The following NRAP variants were observed in gnomAD, a reference collection of about 807,000 sequenced individuals.
The protein encoded by NRAP is nebulin-related-anchoring protein.
In NRAP, 189 loss-of-function variants were observed where a neutral mutation model predicts 225.9. That is an observed-to-expected ratio of 0.84 (90% confidence interval 0.74 to 0.94). The LOEUF (loss-of-function observed/expected upper bound fraction) is 0.94. NRAP is among the 40% of genes least tolerant of loss of function. NRAP has a pLI of 0.00. For missense variants in NRAP, 2,176 were observed against 2,168.7 expected (o/e 1.00, Z -0.07); for synonymous variants, 769 against 790.7 (o/e 0.97, Z 0.46).
chr10:113,636,726 G>A (rs532993002), intron 14 of NRAP, among the ~76,000 whole-genome samples: 50 of 151,882 alleles, frequency 3.3e-4, no homozygotes, highest in Middle Eastern at 6.8e-3. Context: ...CCAGTGACCC[G>A]GGCCAGGGGC....
intron 37 of NRAP, among the ~76,000 whole-genome samples, chr10:113,596,544 A>T (rs1380593195): frequency 5.3e-5 from 8 of 152,234 alleles, no homozygotes; most frequent in Non-Finnish European, 1.0e-4. Context: ...ATAGGGCTAA[A>T]TTATACAGAG....
intron 37 of NRAP, among the ~76,000 whole-genome samples, chr10:113,596,657 G>A (rs1846298388): frequency 6.6e-6 from 1 of 152,124 alleles, no homozygotes; most frequent in Non-Finnish European, 1.5e-5. Flanking sequence ...CAAGCAACAT[G>A]TATCTGACCT....
chr10:113,636,394 T>C (rs1848869221), intron 14 of NRAP, among the ~76,000 whole-genome samples: 4 of 152,186 alleles, frequency 2.6e-5, no homozygotes, highest in Non-Finnish European at 4.4e-5. Context: ...TGCTGCTAAC[T>C]CCTATGGCCA....
At chr10:113,637,710 G>A (rs918161732) in intron 14 of NRAP, among the ~76,000 whole-genome samples, 2 of 152,144 alleles carry the variant, frequency 1.3e-5, no homozygotes, top group African/African-American at 2.4e-5. Flanking sequence ...GATCACCTGA[G>A]GTCAGGAGTT....
In NRAP at chr10:113,650,531, C is replaced by T. The variant is rs1849888638; in HGVS notation, c.690G>A (p.Glu230=). 1.2e-6 allele frequency: 2 copies of T among 1,609,714 alleles called. No individual in the cohort carries two copies. The highest frequency in any genetic ancestry group is 1.1e-5 in the South Asian group (1 of 91,012). ...CTTTCCCTCTTTGTTGTTCATAGTC[C>T]TCTGTGTATCTCACCTGAAATGAAA... ...AQLQSDVRYT[E]DYEQQRGKGS... The change falls in exon 8 of 42, where the codon GAG becomes GAA. Residue 230 remains glutamate (E), a synonymous_variant. Transcript: ENST00000359988.
intron 35 of NRAP, among the ~76,000 whole-genome samples, chr10:113,600,971 C>G (rs1846562146): frequency 1.3e-5 from 2 of 152,192 alleles, no homozygotes; most frequent in South Asian, 4.1e-4. Flanking sequence ...TTAGGTCACA[C>G]AGCTGTATGC....
chr10:113,607,437 G>GAAAA (rs1847060109), intron 32 of NRAP, among the ~76,000 whole-genome samples: 2 of 86,170 alleles, frequency 2.3e-5, no homozygotes, highest in Admixed American at 2.5e-4. Flanking sequence ...AAAAAAAAAA[G>GAAAA]AAAAGAAAGA....
chr10:113,615,215 A>G, intron 27 of NRAP, among the ~76,000 whole-genome samples: 1 of 152,204 alleles, frequency 6.6e-6, no homozygotes, highest in Admixed American at 6.5e-5. Context: ...TCAAACAGAC[A>G]CAGTTTTTCT....
In NRAP at chr10:113,645,950, A is replaced by G. The variant is rs1382829555; in HGVS notation, c.994-9T>C. 1 of 1,432,774 alleles carries G rather than the reference A, an allele frequency of 7.0e-7. No homozygotes were observed. The highest frequency in any genetic ancestry group is 9.6e-7 in the Non-Finnish European group (1 of 1,038,270). The allele number at this position is 1,432,774 out of a possible 1,614,324, so 88.8% of individuals were successfully genotyped here. On this transcript the variant is annotated splice_polypyrimidine_tract_variant and intron_variant, in intron 10 of 41. Coordinates refer to ENST00000359988, the MANE Select transcript of NRAP (RefSeq NM_198060.4). ...TCCTGCCTGTATTTTATCTGAAAAAAAAAACACAAAACGGGGCTGGAGTTG... is the reference window on the plus strand; with the variant it reads ...TCCTGCCTGTATTTTATCTGAAAAAGAAAACACAAAACGGGGCTGGAGTTG...
At chr10:113,642,050 A>G (rs1203296799) in intron 12 of NRAP, among the ~76,000 whole-genome samples, 1 of 152,200 alleles carries the variant, frequency 6.6e-6, no homozygotes, top group Admixed American at 6.5e-5. Context: ...CATAAATAGG[A>G]AATTTGGGGT....
chr10:113,590,084 T>A (rs1564688330), intron 40 of NRAP, among the ~76,000 whole-genome samples: 1 of 152,204 alleles, frequency 6.6e-6, no homozygotes, highest in Non-Finnish European at 1.5e-5. Flanking sequence ...CTCCACACAC[T>A]CTGTGGCCTT....
In NRAP at chr10:113,612,417, T is replaced by A; in HGVS notation, c.3315A>T (p.Lys1105Asn). ...ACTGCGCCTTTGAGTGTTCAAAGCC[T>A]TTCTTGTAATTCACCTAGAGGGGCA... ...TSLQSDVNYKKGFEHSKAQFH... is the reference protein window; with the variant it reads ...TSLQSDVNYKNGFEHSKAQFH... Residue 1105 changes from lysine to asparagine, a missense_variant, in exon 30 of 42, where the codon AAA becomes AAT. Lys to Asn is a moderately conservative substitution (Grantham distance 94). This residue lies in a region of NRAP where 1,708 missense variants were observed against 1,695.5 expected (regional missense o/e 1.01). Coordinates refer to ENST00000359988, the MANE Select transcript of NRAP (RefSeq NM_198060.4). 1 of 1,613,974 alleles carries A rather than the reference T, an allele frequency of 6.2e-7. No homozygotes were observed. The highest frequency in any genetic ancestry group is 8.5e-7 in the Non-Finnish European group (1 of 1,179,904).
intron 29 of NRAP, among the ~76,000 whole-genome samples, chr10:113,613,143 T>C (rs1021836118): frequency 3.3e-5 from 5 of 152,012 alleles, no homozygotes; most frequent in South Asian, 2.1e-4. Context: ...TGGCCACCCC[T>C]CCCTGACCTC....
intron 38 of NRAP, 31 bp from the exon 39 acceptor site, chr10:113,592,332 C>T (rs1846039700): frequency 7.1e-7 from 1 of 1,405,670 alleles, no homozygotes; most frequent in Non-Finnish European, 1.0e-6. Context: ...CATGAGTAAG[C>T]AGGCAGTCAC....
At chr10:113,617,374 C>A in intron 26 of NRAP, 81 bp downstream of exon 26, 1 of 905,150 alleles carries the variant, frequency 1.1e-6, no homozygotes. Context: ...AGGAGCAAAC[C>A]CAAGAACCCC....
intron 2 of NRAP, 141 bp downstream of exon 2, chr10:113,663,211 A>G (rs1850800074): frequency 8.2e-6 from 5 of 610,632 alleles, no homozygotes; most frequent in South Asian, 4.3e-5. Flanking sequence ...GGTCTCTTTA[A>G]TGACAGGATA....
intron 25 of NRAP, among the ~76,000 whole-genome samples, chr10:113,619,163 A>G (rs1030534796): frequency 6.6e-6 from 1 of 152,202 alleles, no homozygotes; most frequent in Non-Finnish European, 1.5e-5. Context: ...TGTGGGATAC[A>G]TGGTCCCCTG....
At position 113,625,385 on chromosome 10, in the gene NRAP, C is replaced by T. The variant is rs190781973; in HGVS notation, c.2245-455G>A. On this transcript the variant is annotated intron_variant, in intron 21 of 41. Transcript: ENST00000359988. ...GTACTGACACCAGGAAGTGAGCATG[C>T]GTGGACATCTCCTCCATGGCAAACT... Among the ~76,000 whole-genome samples, 218 of 152,316 alleles carry T rather than the reference C, an allele frequency of 1.4e-3. 4 individuals carry two copies. The highest frequency in any genetic ancestry group is 1.3e-4 in the Non-Finnish European group (9 of 68,036).
In NRAP at chr10:113,650,096, C is replaced by A; in HGVS notation, c.829G>T (p.Gly277Cys). Residue 277 changes from glycine (G) to cysteine (C), a missense_variant, in exon 9 of 42, where the codon GGT becomes TGT. By Grantham distance (159) the Gly-to-Cys change is radical. Coordinates refer to ENST00000359988, the MANE Select transcript of NRAP (RefSeq NM_198060.4). ...QYQKEMRGMA[G>C]PAIGAEGILT... ...ATGCCCTCAGCTCCAATGGCTGGACCAGCCATTCCCCTCATTTCTTTTTGA... is the reference window on the plus strand; with the variant it reads ...ATGCCCTCAGCTCCAATGGCTGGACAAGCCATTCCCCTCATTTCTTTTTGA... 6.2e-7 allele frequency: 1 copy of A among 1,612,854 alleles called. No individual in the cohort carries two copies. The highest frequency in any genetic ancestry group is 8.5e-7 in the Non-Finnish European group (1 of 1,178,870).
Sources: allele counts gnomAD v4.1 joint callset (sites outside exome capture counted in the v4.1 genomes callset), GRCh38; gene constraint gnomAD v4.1.1; regional missense constraint gnomAD v4.1.1; transcripts MANE v1.5; gene names NCBI Gene and HGNC (gene_info 2026-07-23, HGNC 2026-07-21).